Variants in SUSD1 observed in about 807,000 individuals in gnomAD.
SUSD1 encodes the protein sushi domain containing 1, also known as sushi domain-containing protein 1.
A neutral mutation model predicts 86.9 loss-of-function variants in SUSD1; 65 were observed. The observed-to-expected ratio is 0.75, with a 90% confidence interval of 0.61 to 0.92. SUSD1 has a LOEUF of 0.92. Among genes scored for constraint, SUSD1 ranks in the 40% least tolerant of loss-of-function variants. The probability of loss-of-function intolerance (pLI) is 0.00; values close to 1 mark genes in which losing one functional copy is unlikely to be tolerated. For missense variants in SUSD1, 850 were observed against 929.7 expected, an observed-to-expected ratio of 0.91 and a Z score of 1.11; for synonymous variants, 346 against 350.0, an observed-to-expected ratio of 0.99 and a Z score of 0.13.
At position 112,057,079 on chromosome 9, in the gene SUSD1, C is replaced by A. The variant is rs576891360; in HGVS notation, c.2109+1349G>T. On this transcript the variant is annotated intron_variant, in intron 14 of 16. Transcript: ENST00000374270. The stretch of plus-strand genomic sequence containing the variant: ...AGAGATTATAAGCCTGGAGCCCTCA[C>A]GATGGGATAAGTGTCCTAATAAATA... Among the ~76,000 whole-genome samples, 4 of 152,250 alleles carry A rather than the reference C, an allele frequency of 2.6e-5. No homozygotes were observed. In the South Asian group the frequency reaches 6.2e-4, roughly 24 times the overall value.
chr9:112,162,436 C>T (rs1163642542), intron 1 of SUSD1, among the ~76,000 whole-genome samples: 2 of 152,106 alleles, frequency 1.3e-5, no homozygotes, highest in East Asian at 3.9e-4. Context: ...GCTAAGGAAG[C>T]CTGTAAGAAT....
rs778137820 is a variant in SUSD1 at position 112,143,534 on chromosome 9, C to T, written c.463G>A (p.Gly155Arg). The change falls in exon 4 of 17, where the codon GGA becomes AGA. Residue 155 changes from glycine (G) to arginine (R), a missense_variant. Coordinates refer to ENST00000374270, the MANE Select transcript of SUSD1 (RefSeq NM_022486.5). ...TCAGGTCCATTCCTTGGCAAGTATC[C>T]ATCCATACAGTAGCATTCAAAGCTC... ...HGSFECYCMD[G>R]YLPRNGPEPF... 2 of 1,614,082 alleles carry T rather than the reference C, an allele frequency of 1.2e-6. No homozygotes were observed. The highest frequency in any genetic ancestry group is 2.2e-5 in the South Asian group (2 of 91,060).
intron 5 of SUSD1, among the ~76,000 whole-genome samples, chr9:112,138,892 T>C (rs745344182): frequency 2.0e-5 from 3 of 152,248 alleles, no homozygotes; most frequent in Non-Finnish European, 4.4e-5. Flanking sequence ...CTACAATAAA[T>C]AGTTATAAAC....
chr9:112,142,757 C>G (rs16916706), intron 4 of SUSD1, among the ~76,000 whole-genome samples: 11,443 of 151,974 alleles, frequency 0.075, 1,098 homozygotes, highest in African/African-American at 0.22. Context: ...CTAATTTACA[C>G]TAACTAAAGA....
intron 1 of SUSD1, among the ~76,000 whole-genome samples, chr9:112,168,396 C>T (rs555350927): frequency 6.6e-6 from 1 of 152,192 alleles, no homozygotes; most frequent in East Asian, 1.9e-4. Context: ...CCACATCCTC[C>T]CAGCCTTCTG....
chr9:112,169,118 A>G (rs1240983096), intron 1 of SUSD1, among the ~76,000 whole-genome samples: 2 of 152,144 alleles, frequency 1.3e-5, no homozygotes, highest in East Asian at 3.8e-4. Context: ...CCTGACAAAA[A>G]AAAAATCCAG....
intron 2 of SUSD1, among the ~76,000 whole-genome samples, chr9:112,152,275 C>T (rs1833083937): frequency 6.6e-6 from 1 of 151,304 alleles, no homozygotes; most frequent in Non-Finnish European, 1.5e-5. Context: ...TTTACTTAAA[C>T]TTTTCAATTT....
chr9:112,161,056 C>T (rs1039510086), intron 1 of SUSD1, among the ~76,000 whole-genome samples: 5 of 152,084 alleles, frequency 3.3e-5, no homozygotes, highest in African/African-American at 1.2e-4. Context: ...CATTTTAAAC[C>T]GTGTGATCAG....
chr9:112,137,653 G>C (rs942911298), intron 5 of SUSD1: 1 of 152,138 alleles, frequency 6.6e-6, no homozygotes, highest in South Asian at 2.1e-4. Context: ...TACACAGCAA[G>C]TCAGAATATC....
At position 112,084,148 on chromosome 9, in the gene SUSD1, AT is replaced by A. The variant is rs372345158; in HGVS notation, c.1475-3984del. ...TCATAGATACCAAAATGTGAAAAAA[AT>A]ATGCCTCTGAGAATCAATAAAACAT... On this transcript the variant is annotated intron_variant, in intron 10 of 16. Transcript: ENST00000374270. Among the ~76,000 whole-genome samples the A allele has an allele frequency of 3.9e-5, 6 of 152,344 alleles. No homozygotes were observed. In the East Asian group the frequency reaches 1.2e-3, roughly 29 times the overall value.
chr9:112,102,785 C>T (rs914305450), intron 8 of SUSD1, among the ~76,000 whole-genome samples: 1 of 152,086 alleles, frequency 6.6e-6, no homozygotes, highest in African/African-American at 2.4e-5. Flanking sequence ...AAGTAGATGA[C>T]CAAGCAAGAG....
At position 112,157,626 on chromosome 9, in the gene SUSD1, T is replaced by C; in HGVS notation, c.104-13A>G. ...CAGACGTCTAAACCTGAATCATAAATTGTATGTTTCAGAAAAAGAAAAATG... is the reference window on the plus strand; with the variant it reads ...CAGACGTCTAAACCTGAATCATAAACTGTATGTTTCAGAAAAAGAAAAATG... On this transcript the variant is annotated splice_polypyrimidine_tract_variant and intron_variant, in intron 1 of 16. Transcript: ENST00000374270. 6.2e-7 allele frequency: 1 copy of C among 1,601,264 alleles called. No homozygotes were observed. The highest frequency in any genetic ancestry group is 2.2e-5 in the East Asian group (1 of 44,822).
chr9:112,122,608 C>T (rs1831599739), intron 6 of SUSD1, among the ~76,000 whole-genome samples: 1 of 152,164 alleles, frequency 6.6e-6, no homozygotes, highest in Admixed American at 6.5e-5. Context: ...GACTCCTTTT[C>T]ACCAGCAATT....
At chr9:112,089,701 A>G (rs1002884747) in intron 10 of SUSD1, among the ~76,000 whole-genome samples, 6 of 151,490 alleles carry the variant, frequency 4.0e-5, no homozygotes, top group Admixed American at 2.6e-4. Flanking sequence ...AGTCCCATCT[A>G]CTCGGGAGGC....
chr9:112,119,643 G>A (rs993047592), intron 6 of SUSD1, among the ~76,000 whole-genome samples: 1 of 152,220 alleles, frequency 6.6e-6, no homozygotes, highest in Non-Finnish European at 1.5e-5. Context: ...GCCAGGGAAA[G>A]TCTTATCAAG....
chr9:112,170,702 T>TAG (rs1425850833), intron 1 of SUSD1, among the ~76,000 whole-genome samples: 14 of 91,768 alleles, frequency 1.5e-4, no homozygotes, highest in African/African-American at 7.3e-4. Context: ...CATATATATA[T>TAG]ATATATATAG....
chr9:112,163,488 A>G (rs1276871581), intron 1 of SUSD1, among the ~76,000 whole-genome samples: 1 of 152,126 alleles, frequency 6.6e-6, no homozygotes, highest in Admixed American at 6.5e-5. Flanking sequence ...AAAAAATTTA[A>G]TTAGCTGGGC....
chr9:112,174,787 C>G (rs1235641032), intron 1 of SUSD1, among the ~76,000 whole-genome samples: 1 of 152,120 alleles, frequency 6.6e-6, no homozygotes, highest in Admixed American at 6.5e-5. Flanking sequence ...CTGGCCTCCC[C>G]GCCCTTCCCC....
intron 5 of SUSD1, among the ~76,000 whole-genome samples, chr9:112,133,093 C>T (rs1358842923): frequency 6.6e-6 from 1 of 152,154 alleles, no homozygotes; most frequent in Admixed American, 6.6e-5. Context: ...GCCTGGGCAA[C>T]ATGTTAAGAC....
Sources: gnomAD v4.1 joint callset for allele counts (sites outside exome capture counted in the v4.1 genomes callset) on GRCh38, gnomAD v4.1.1 for gene constraint, MANE v1.5 for transcripts, NCBI Gene and HGNC (gene_info 2026-07-23, HGNC 2026-07-21) for gene names.